Variants in MIPOL1 observed in about 807,000 individuals in gnomAD.
MIPOL1 encodes mirror-image polydactyly gene 1 protein.
A neutral mutation model predicts 60.9 loss-of-function variants in MIPOL1; 57 were observed. The ratio of observed to expected loss-of-function variants is 0.94; its 90% CI spans 0.76 to 1.17. The LOEUF is 1.17. Among genes scored for constraint, MIPOL1 ranks in the 50% most tolerant of loss-of-function variants. The pLI is 0.00. For synonymous variants in MIPOL1, 179 were observed against 168.8 expected (o/e 1.06, Z -0.47); for missense variants, 551 against 511.6 (o/e 1.08, Z -0.74).
chr14:37,333,383 A>G (rs1348180088), intron 9 of MIPOL1, among the ~76,000 whole-genome samples: 1 of 152,016 alleles, frequency 6.6e-6, no homozygotes, highest in Non-Finnish European at 1.5e-5. Context: ...TTTCTGATAT[A>G]CCGGGCCTAC....
intron 3 of MIPOL1, among the ~76,000 whole-genome samples, chr14:37,263,633 A>C (rs2082665382): frequency 6.6e-6 from 1 of 152,208 alleles, no homozygotes; most frequent in South Asian, 2.1e-4. Flanking sequence ...TAACTCTGAG[A>C]AAAGAAAGTC....
chr14:37,480,665 C>G lies in MIPOL1; in HGVS notation c.1032-19243C>G, dbSNP rs558513281. Among the ~76,000 whole-genome samples, 3 of 152,256 alleles carry G rather than the reference C, an allele frequency of 2.0e-5. No homozygotes were observed. In the South Asian group the frequency reaches 6.2e-4, roughly 32 times the overall value. ...CTGGGATCAGACAAGGATGCCAGCT[C>G]TCACCATTTCTTTTCCACATAGTAC... On this transcript the variant is annotated intron_variant, in intron 11 of 12. Coordinates refer to ENST00000684589, the MANE Select transcript of MIPOL1 (RefSeq NM_001388067.1).
chr14:37,248,432 TG>T (rs1973531906), intron 3 of MIPOL1, among the ~76,000 whole-genome samples: 1 of 150,970 alleles, frequency 6.6e-6, no homozygotes, highest in South Asian at 2.1e-4. Context: ...GTAAGAGACT[TG>T]GTAAGAAAGA....
intron 11 of MIPOL1, among the ~76,000 whole-genome samples, chr14:37,466,780 C>G (rs185546411): frequency 6.6e-6 from 1 of 152,306 alleles, no homozygotes; most frequent in African/African-American, 2.4e-5. Context: ...GCAATCTTTC[C>G]TAGCAACTGT....
At chr14:37,250,019 T>A (rs924323431) in intron 3 of MIPOL1, among the ~76,000 whole-genome samples, 1 of 152,112 alleles carries the variant, frequency 6.6e-6, no homozygotes, top group African/African-American at 2.4e-5. Flanking sequence ...AGGAAGGATG[T>A]CAAGGAAGGA....
chr14:37,480,624 GC>G (rs950898632), intron 11 of MIPOL1, among the ~76,000 whole-genome samples: 31 of 152,094 alleles, frequency 2.0e-4, no homozygotes, highest in African/African-American at 7.5e-4. Context: ...ACAATTAAAA[GC>G]CTCTCCTCTA....
chr14:37,306,071 T>A (rs2086764189), intron 7 of MIPOL1, among the ~76,000 whole-genome samples: 1 of 151,918 alleles, frequency 6.6e-6, no homozygotes, highest in Non-Finnish European at 1.5e-5. Flanking sequence ...TTGATTCTGA[T>A]TTTTTAAAAA....
At chr14:37,525,758 C>T (rs1160780825) in intron 12 of MIPOL1, among the ~76,000 whole-genome samples, 1 of 152,138 alleles carries the variant, frequency 6.6e-6, no homozygotes, top group Non-Finnish European at 1.5e-5. Flanking sequence ...TATAAAAGTA[C>T]TTTTTGTTTT....
At chr14:37,213,292 G>T (rs1933656254) in intron 1 of MIPOL1, among the ~76,000 whole-genome samples, 1 of 152,176 alleles carries the variant, frequency 6.6e-6, no homozygotes, top group African/African-American at 2.4e-5. Context: ...AAATAGCTGT[G>T]TTGAGGCCAC....
chr14:37,306,181 A>G (rs538942812), intron 7 of MIPOL1, among the ~76,000 whole-genome samples: 3 of 151,976 alleles, frequency 2.0e-5, no homozygotes, highest in African/African-American at 7.2e-5. Context: ...TGAACTCTTC[A>G]TCTTCCTCTC....
At chr14:37,201,376 C>A (rs570818875) in intron 1 of MIPOL1, among the ~76,000 whole-genome samples, 3 of 151,940 alleles carry the variant, frequency 2.0e-5, no homozygotes, top group African/African-American at 7.3e-5. Context: ...ATCTGAAGAA[C>A]AAAAGACAGG....
At chr14:37,452,075 A>G (rs1241126456) in intron 11 of MIPOL1, among the ~76,000 whole-genome samples, 1 of 151,750 alleles carries the variant, frequency 6.6e-6, no homozygotes, top group Non-Finnish European at 1.5e-5. Flanking sequence ...TCGGCCTCCC[A>G]AAGTGCTGGG....
At chr14:37,433,650 G>A (rs1464823056) in intron 11 of MIPOL1, among the ~76,000 whole-genome samples, 3 of 152,000 alleles carry the variant, frequency 2.0e-5, no homozygotes, top group African/African-American at 7.2e-5. Flanking sequence ...CTGCCTCCCA[G>A]GTTCAAGTGA....
rs151196431 is a variant in MIPOL1 at position 37,539,519 on chromosome 14, T to C, written c.1263-7386T>C. 4.7e-4 allele frequency among the ~76,000 whole-genome samples: 72 copies of C among 152,222 alleles called. 1 individual carries two copies. The East Asian group carries it at 0.014, about 29-fold the overall frequency. On this transcript the variant is annotated intron_variant, in intron 12 of 12. Transcript: ENST00000684589. ...CCCTTTGTAATGAACCATACTGGATTGTTGTATAGGACTCTATGTTTTTAA... is the reference window on the plus strand; with the variant it reads ...CCCTTTGTAATGAACCATACTGGATCGTTGTATAGGACTCTATGTTTTTAA...
Position 37,270,472 on chromosome 14 carries a change from A to C in MIPOL1, c.440A>C (p.Lys147Thr). 1.4e-5 allele frequency: 22 copies of C among 1,603,358 alleles called. No individual in the cohort carries two copies. Among genetic ancestry groups the C allele is most frequent in the Non-Finnish European group, 1.9e-5 (22 of 1,174,414 alleles). ...EDKEQRKLKF[K>T]LELQEKETEA... ...AAAGAACAGAGAAAACTAAAGTTTA[A>C]GCTGGAACTCCAAGAGAAAGAAACA... Residue 147 changes from lysine to threonine, a missense_variant, in exon 6 of 13, where the codon AAG (lysine) becomes ACG (threonine). Lys to Thr is a moderately conservative substitution (Grantham distance 78, BLOSUM62 -1). Coordinates refer to ENST00000684589, the MANE Select transcript of MIPOL1 (RefSeq NM_001388067.1).
At chr14:37,312,272 T>A (rs1417646801) in intron 9 of MIPOL1, among the ~76,000 whole-genome samples, 1 of 152,046 alleles carries the variant, frequency 6.6e-6, no homozygotes, top group East Asian at 1.9e-4. Context: ...CACACCTGGC[T>A]AATTTTTTGT....
intron 7 of MIPOL1, among the ~76,000 whole-genome samples, chr14:37,293,396 G>T (rs1429525745): frequency 6.6e-6 from 1 of 152,098 alleles, no homozygotes; most frequent in African/African-American, 2.4e-5. Context: ...GCAGAAGACG[G>T]GTGATTTCTG....
At chr14:37,474,366 T>C (rs1046650864) in intron 11 of MIPOL1, among the ~76,000 whole-genome samples, 1 of 152,118 alleles carries the variant, frequency 6.6e-6, no homozygotes, top group Non-Finnish European at 1.5e-5. Flanking sequence ...GTAATCCCCA[T>C]GTGTCGTGGG....
intron 3 of MIPOL1, among the ~76,000 whole-genome samples, chr14:37,258,449 T>C (rs978554053): frequency 6.6e-6 from 1 of 152,084 alleles, no homozygotes; most frequent in African/African-American, 2.4e-5. Context: ...TGAGAAAGGC[T>C]GAAAAGGTTA....
Sources: gnomAD v4.1 joint callset for allele counts (sites outside exome capture counted in the v4.1 genomes callset) on GRCh38, gnomAD v4.1.1 for gene constraint, MANE v1.5 for transcripts, NCBI Gene and HGNC (gene_info 2026-07-23, HGNC 2026-07-21) for gene names.